DNAJC15: variants seen among roughly 807,000 people sequenced by gnomAD.
DNAJC15 encodes dnaJ homolog subfamily C member 15.
Under a neutral mutation model 22.4 loss-of-function variants are expected in DNAJC15, and 27 were observed. That is an observed-to-expected ratio of 1.20 (90% CI 0.89 to 1.66). The LOEUF is 1.66. Ranked by LOEUF, DNAJC15 falls within the 40% of genes most tolerant of loss-of-function variation. The probability of loss-of-function intolerance (pLI) is 0.00; values close to 1 mark genes in which losing one functional copy is unlikely to be tolerated. For missense variants in DNAJC15, 208 were observed against 187.1 expected (o/e 1.11, Z -0.65); for synonymous variants, 79 against 63.2 (o/e 1.25, Z -1.19).
At chr13:43,046,385 C>T (rs1204081902) in intron 1 of DNAJC15, among the ~76,000 whole-genome samples, 1 of 152,092 alleles carries the variant, frequency 6.6e-6, no homozygotes, top group Non-Finnish European at 1.5e-5. Context: ...CTACAAGAGA[C>T]ATCTCGGTGG....
intron 1 of DNAJC15, among the ~76,000 whole-genome samples, chr13:43,043,130 T>C (rs1185613200): frequency 1.3e-5 from 2 of 152,198 alleles, no homozygotes; most frequent in African/African-American, 4.8e-5. Context: ...TTTTTATTTT[T>C]TTGAAAGGCT....
intron 3 of DNAJC15, 65 bp from the exon 4 acceptor site, chr13:43,078,547 G>GGC: frequency 3.1e-6 from 4 of 1,307,484 alleles, no homozygotes; most frequent in Non-Finnish European, 4.3e-6. Context: ...GCTACATGAT[G>GGC]AGATTGAGGT....
intron 4 of DNAJC15, among the ~76,000 whole-genome samples, chr13:43,079,775 C>T (rs529900477): frequency 3.9e-5 from 6 of 152,184 alleles, no homozygotes; most frequent in South Asian, 4.1e-4. Flanking sequence ...AGGGCACTTA[C>T]GTTGTTAGGA....
At chr13:43,026,853 A>T (rs567120765) in intron 1 of DNAJC15, among the ~76,000 whole-genome samples, 1 of 152,344 alleles carries the variant, frequency 6.6e-6, no homozygotes, top group East Asian at 1.9e-4. Flanking sequence ...TGGGCAACAT[A>T]GTGAGACCCC....
intron 2 of DNAJC15, among the ~76,000 whole-genome samples, chr13:43,066,953 AT>A (rs2040587272): frequency 6.6e-6 from 1 of 152,192 alleles, no homozygotes; most frequent in Non-Finnish European, 1.5e-5. Flanking sequence ...TCTAAAGTAA[AT>A]TTGCTGAGTC....
chr13:43,026,522 G>A (rs139526587), intron 1 of DNAJC15, among the ~76,000 whole-genome samples: 103 of 152,214 alleles, frequency 6.8e-4, no homozygotes, highest in African/African-American at 2.4e-3. Context: ...GACCAATAAT[G>A]AGGCAGAAGA....
chr13:43,063,537 T>C (rs931104791), intron 1 of DNAJC15, among the ~76,000 whole-genome samples: 2 of 152,380 alleles, frequency 1.3e-5, no homozygotes, highest in African/African-American at 4.8e-5. Context: ...TCTGTTGTTA[T>C]TGTTAGTATT....
At position 43,023,669 on chromosome 13, in the gene DNAJC15, C is replaced by G. The variant is rs759741311; in HGVS notation, c.43C>G (p.Arg15Gly). The change falls in exon 1 of 6, where the codon CGC becomes GGC. Residue 15 changes from arginine (R) to glycine (G), a missense_variant. Physicochemically the swap from Arg to Gly is moderately radical, Grantham distance 125. Coordinates refer to ENST00000379221, the MANE Select transcript of DNAJC15 (RefSeq NM_013238.3). ...GVIAPVGESLRYAEYLQPSAK... is the reference protein window; with the variant it reads ...GVIAPVGESLGYAEYLQPSAK... Reference sequence around the variant, plus strand: ...CATCGCTCCAGTTGGCGAGAGTTTGCGCTACGCTGAGTACTTGCAGCCCTC... The same window carrying G: ...CATCGCTCCAGTTGGCGAGAGTTTGGGCTACGCTGAGTACTTGCAGCCCTC... The G allele has an allele frequency of 6.2e-7, 1 of 1,612,608 alleles. No individual in the cohort carries two copies. Among genetic ancestry groups the G allele is most frequent in the Non-Finnish European group, 8.5e-7 (1 of 1,179,460 alleles).
chr13:43,078,777 T>A (rs1021044513), intron 4 of DNAJC15, 89 bp downstream of exon 4: 1 of 1,138,160 alleles, frequency 8.8e-7, no homozygotes. Context: ...ATACTTAGAC[T>A]TAAAATTATG....
rs1346428702 is a variant in DNAJC15 at position 43,040,949 on chromosome 13, A to AGAT, written c.108+17217_108+17219dup. 5.9e-5 allele frequency among the ~76,000 whole-genome samples: 9 copies of AGAT among 152,350 alleles called. No individual in the cohort carries two copies. The East Asian group carries it at 1.7e-3, about 29-fold the overall frequency. On this transcript the variant is annotated intron_variant, in intron 1 of 5. Coordinates refer to ENST00000379221, the MANE Select transcript of DNAJC15 (RefSeq NM_013238.3). ...CTAAGGCAGTTTTCCCCATCTCAGT[A>AGAT]GATGGAACATACAATCTGGTTTTAT...
At chr13:43,035,059 G>C (rs1477241529) in intron 1 of DNAJC15, among the ~76,000 whole-genome samples, 1 of 152,114 alleles carries the variant, frequency 6.6e-6, no homozygotes, top group Non-Finnish European at 1.5e-5. Context: ...AGCTGATGAG[G>C]TAAGAGCAAA....
At position 43,110,464 on chromosome 13, in the gene DNAJC15, T is replaced by G. The variant is rs970389223; in HGVS notation, c.*3216T>G. ...ATGCAGCAGGACAGGTTTGGGATTTTTTTTCCCCCTTGAGTCTGTGAAGGC... is the reference window on the plus strand; with the variant it reads ...ATGCAGCAGGACAGGTTTGGGATTTGTTTTCCCCCTTGAGTCTGTGAAGGC... On this transcript the variant is annotated 3_prime_UTR_variant, in exon 6 of 6. Coordinates refer to ENST00000379221, the MANE Select transcript of DNAJC15 (RefSeq NM_013238.3). 6.6e-6 allele frequency: 1 copy of G among 152,178 alleles called. No homozygotes were observed. The highest frequency in any genetic ancestry group is 1.5e-5 in the Non-Finnish European group (1 of 68,038). 9.4% of individuals were successfully genotyped at this position (152,178 alleles called of 1,614,324 possible).
intron 3 of DNAJC15, 45 bp downstream of exon 3, chr13:43,069,048 G>A (rs1370773250): frequency 1.5e-5 from 24 of 1,559,074 alleles, no homozygotes; most frequent in Non-Finnish European, 2.1e-5. Context: ...TTTGATTTTT[G>A]TTCATATGAC....
At chr13:43,058,738 A>G (rs181065899) in intron 1 of DNAJC15, among the ~76,000 whole-genome samples, 7 of 152,042 alleles carry the variant, frequency 4.6e-5, no homozygotes, top group Admixed American at 3.9e-4. Context: ...TCCAGTGGCA[A>G]CCCTCCCGAA....
In DNAJC15 at chr13:43,082,183, G is replaced by GA. The variant is rs68161393; in HGVS notation, c.311+3506dup. Among the ~76,000 whole-genome samples, 2,718 of 146,368 alleles carry GA rather than the reference G, an allele frequency of 0.019. 225 individuals carry two copies. The East Asian group carries it at 0.26, about 14-fold the overall frequency. ...TATGTTACTCAAAAGCTCAGTAGTA[G>GA]AAAAAAAAAAAGATGAAACCAAAAC... On this transcript the variant is annotated intron_variant, in intron 4 of 5. Coordinates refer to ENST00000379221, the MANE Select transcript of DNAJC15 (RefSeq NM_013238.3).
At chr13:43,049,055 A>G (rs1024814462) in intron 1 of DNAJC15, among the ~76,000 whole-genome samples, 3 of 152,100 alleles carry the variant, frequency 2.0e-5, no homozygotes, top group Non-Finnish European at 4.4e-5. Context: ...TTTAGCCTAT[A>G]CTAGGGTACA....
At chr13:43,074,962 T>C (rs1186550338) in intron 3 of DNAJC15, among the ~76,000 whole-genome samples, 1 of 152,152 alleles carries the variant, frequency 6.6e-6, no homozygotes, top group African/African-American at 2.4e-5. Context: ...GGCCAACTTT[T>C]TGTATCTGTG....
intron 2 of DNAJC15, among the ~76,000 whole-genome samples, chr13:43,067,519 A>G (rs10492657): frequency 0.017 from 2,601 of 152,256 alleles, 91 homozygotes; most frequent in East Asian, 0.11. Context: ...TTAGATAAAG[A>G]TGTATTTTTT....
intron 4 of DNAJC15, among the ~76,000 whole-genome samples, chr13:43,081,646 G>A (rs1035708034): frequency 1.3e-5 from 2 of 151,862 alleles, no homozygotes; most frequent in African/African-American, 2.4e-5. Context: ...CACCGTGTTA[G>A]CAGGATGGTC....
Sources: gnomAD v4.1 joint callset for allele counts (sites outside exome capture counted in the v4.1 genomes callset) on GRCh38, gnomAD v4.1.1 for gene constraint, MANE v1.5 for transcripts, NCBI Gene and HGNC (gene_info 2026-07-23, HGNC 2026-07-21) for gene names.